The following ZFPM2 variants were observed in gnomAD, a reference collection of about 807,000 sequenced individuals.
The protein encoded by ZFPM2 is zinc finger protein ZFPM2.
In ZFPM2, 20 loss-of-function variants were observed where a neutral mutation model predicts 98.6. That is an observed-to-expected ratio of 0.20 (90% CI 0.14 to 0.29). The LOEUF (loss-of-function observed/expected upper bound fraction) is 0.29, where lower values mean the gene tolerates loss of function less well. Among genes scored for constraint, ZFPM2 ranks in the 10% least tolerant of loss-of-function variants. The probability of loss-of-function intolerance (pLI) is 1.00; values close to 1 mark genes in which losing one functional copy is unlikely to be tolerated. For synonymous variants in ZFPM2, 518 were observed against 502.7 expected (o/e 1.03, Z -0.41); for missense variants, 1,310 against 1,388.6 (o/e 0.94, Z 0.90).
At chr8:105,413,058 T>C (rs1811608458) in intron 1 of ZFPM2, among the ~76,000 whole-genome samples, 1 of 151,720 alleles carries the variant, frequency 6.6e-6, no homozygotes, top group Non-Finnish European at 1.5e-5. Context: ...TAATTTAGAG[T>C]CGGGTTATTT....
intron 5 of ZFPM2, among the ~76,000 whole-genome samples, chr8:105,659,706 CT>C (rs1415706154): frequency 6.6e-6 from 1 of 152,106 alleles, no homozygotes; most frequent in East Asian, 1.9e-4. Context: ...GATTCAAACC[CT>C]TGCCGGAATA....
Position 105,801,310 on chromosome 8 carries a change from C to T in ZFPM2, c.1228C>T (p.Pro410Ser). ...AAGTGCAACTGAAGACAGCTTACAG[C>T]CAGCCACAGACTTATTGACCAGAAG... Reference protein sequence around the residue: ...SPSATEDSLQPATDLLTRSEL... With the variant: ...SPSATEDSLQSATDLLTRSEL... Residue 410 changes from proline (P) to serine (S), a missense_variant, in exon 8 of 8, where the codon CCA becomes TCA. Transcript: ENST00000407775. 6.2e-7 allele frequency: 1 copy of T among 1,613,922 alleles called. No individual in the cohort carries two copies. The highest frequency in any genetic ancestry group is 8.5e-7 in the Non-Finnish European group (1 of 1,179,854).
intron 1 of ZFPM2, among the ~76,000 whole-genome samples, chr8:105,357,737 G>A (rs138950928): frequency 2.6e-3 from 392 of 152,080 alleles, no homozygotes; most frequent in African/African-American, 8.9e-3. Context: ...AAGGGCTATC[G>A]TTTTCACTTT....
chr8:105,639,379 T>G (rs1816907221), intron 5 of ZFPM2, among the ~76,000 whole-genome samples: 1 of 152,090 alleles, frequency 6.6e-6, no homozygotes, highest in African/African-American at 2.4e-5. Context: ...TTTCTTGTAG[T>G]TGTTATTTCA....
intron 3 of ZFPM2, among the ~76,000 whole-genome samples, chr8:105,534,238 C>T (rs1586443246): frequency 7.9e-5 from 4 of 50,566 alleles, no homozygotes; most frequent in African/African-American, 3.4e-4. Context: ...CTTCCTCCCT[C>T]CCTCCTCCCT....
intron 1 of ZFPM2, among the ~76,000 whole-genome samples, chr8:105,336,570 C>A (rs1353539783): frequency 6.6e-6 from 1 of 151,512 alleles, no homozygotes; most frequent in East Asian, 1.9e-4. Flanking sequence ...TAATTTTGCT[C>A]AAATCACCCT....
chr8:105,739,422 G>C (rs1381569188), intron 5 of ZFPM2, among the ~76,000 whole-genome samples: 1 of 151,928 alleles, frequency 6.6e-6, no homozygotes, highest in Non-Finnish European at 1.5e-5. Flanking sequence ...GATTACATTA[G>C]ATTTTTTCTG....
chr8:105,448,820 G>A (rs1289148591), intron 3 of ZFPM2, among the ~76,000 whole-genome samples: 3 of 152,028 alleles, frequency 2.0e-5, no homozygotes, highest in African/African-American at 7.2e-5. Context: ...AATAGGACTT[G>A]CTAAACGTAA....
intron 3 of ZFPM2, among the ~76,000 whole-genome samples, chr8:105,455,694 C>A (rs2130275099): frequency 6.6e-6 from 1 of 152,084 alleles, no homozygotes; most frequent in Non-Finnish European, 1.5e-5. Context: ...GTAGAGAGCA[C>A]TTTATATATT....
chr8:105,743,727 C>A (rs1812278806), intron 5 of ZFPM2, among the ~76,000 whole-genome samples: 1 of 152,044 alleles, frequency 6.6e-6, no homozygotes, highest in Non-Finnish European at 1.5e-5. Context: ...TGGAGAAGGG[C>A]TCACAACAAA....
chr8:105,625,748 GT>G (rs1326957797), intron 4 of ZFPM2, among the ~76,000 whole-genome samples: 3 of 151,596 alleles, frequency 2.0e-5, no homozygotes, highest in African/African-American at 7.3e-5. Context: ...CCTGGCTAAT[GT>G]TTTTTGTAAT....
chr8:105,327,394 T>C (rs2130658934), intron 1 of ZFPM2, among the ~76,000 whole-genome samples: 1 of 151,838 alleles, frequency 6.6e-6, no homozygotes, highest in East Asian at 1.9e-4. Context: ...TCTGTATTAA[T>C]TACTCCCTTG....
chr8:105,669,105 T>C (rs1743582742), intron 5 of ZFPM2, among the ~76,000 whole-genome samples: 3 of 152,092 alleles, frequency 2.0e-5, no homozygotes, highest in African/African-American at 7.2e-5. Flanking sequence ...TGTTAGTATA[T>C]ATCTTATTCT....
intron 3 of ZFPM2, among the ~76,000 whole-genome samples, chr8:105,509,070 G>T (rs565704103): frequency 4.7e-4 from 72 of 152,208 alleles, no homozygotes; most frequent in African/African-American, 1.6e-3. Context: ...ACTTTGAAAG[G>T]CCTATATATA....
At chr8:105,548,407 ATG>A (rs1243295464) in intron 3 of ZFPM2, among the ~76,000 whole-genome samples, 1 of 152,192 alleles carries the variant, frequency 6.6e-6, no homozygotes, top group Non-Finnish European at 1.5e-5. Context: ...CAAAATTAAC[ATG>A]TTTACAATAT....
chr8:105,764,347 C>A (rs970731949), intron 5 of ZFPM2, among the ~76,000 whole-genome samples: 31 of 149,694 alleles, frequency 2.1e-4, no homozygotes, highest in Non-Finnish European at 2.4e-4. Flanking sequence ...TACTCAAAAT[C>A]AAATTATTCC....
intron 4 of ZFPM2, among the ~76,000 whole-genome samples, chr8:105,583,375 G>T (rs751752419): frequency 6.6e-6 from 1 of 151,898 alleles, no homozygotes; most frequent in Non-Finnish European, 1.5e-5. Context: ...CATAATGGGT[G>T]TGAAAAAAGA....
At chr8:105,661,377 A>G (rs1433028638) in intron 5 of ZFPM2, among the ~76,000 whole-genome samples, 3 of 152,184 alleles carry the variant, frequency 2.0e-5, no homozygotes, top group Non-Finnish European at 2.9e-5. Context: ...AAGGACTAAT[A>G]TATTCATTGG....
At chr8:105,700,775 T>C (rs1395334283) in intron 5 of ZFPM2, among the ~76,000 whole-genome samples, 1 of 152,090 alleles carries the variant, frequency 6.6e-6, no homozygotes, top group Admixed American at 6.6e-5. Flanking sequence ...TTTGTATTTT[T>C]ACTAGAGACT....
Sources: allele counts gnomAD v4.1 joint callset (sites outside exome capture counted in the v4.1 genomes callset), GRCh38; gene constraint gnomAD v4.1.1; transcripts MANE v1.5; gene names NCBI Gene and HGNC (gene_info 2026-07-23, HGNC 2026-07-21).